PLCB1: variants seen among roughly 807,000 people sequenced by gnomAD.
The protein encoded by PLCB1 is 1-phosphatidylinositol 4,5-bisphosphate phosphodiesterase beta-1.
In PLCB1, 46 loss-of-function variants were observed where a neutral mutation model predicts 161.8. The ratio of observed to expected loss-of-function variants is 0.28; its 90% CI spans 0.22 to 0.36. The LOEUF (loss-of-function observed/expected upper bound fraction) is 0.36. Ranked by LOEUF, PLCB1 falls within the 10% of genes least tolerant of loss-of-function variation. PLCB1 has a pLI of 1.00. For missense variants in PLCB1, 1,016 were observed against 1,472.5 expected (o/e 0.69, Z 5.07); for synonymous variants, 517 against 503.7 (o/e 1.03, Z -0.35).
intron 31 of PLCB1, among the ~76,000 whole-genome samples, chr20:8,835,818 A>G (rs1986256600): frequency 6.6e-6 from 1 of 151,316 alleles, no homozygotes; most frequent in African/African-American, 2.4e-5. Context: ...TGGGTCAGTG[A>G]GCTTTGGCTG....
chr20:8,465,651 T>C (rs1981785612), intron 3 of PLCB1, among the ~76,000 whole-genome samples: 1 of 152,144 alleles, frequency 6.6e-6, no homozygotes, highest in Non-Finnish European at 1.5e-5. Flanking sequence ...GTCTTTAGTT[T>C]GTTTTCATCC....
chr20:8,711,010 T>C (rs1978983733), intron 12 of PLCB1, among the ~76,000 whole-genome samples: 1 of 152,200 alleles, frequency 6.6e-6, no homozygotes, highest in Non-Finnish European at 1.5e-5. Flanking sequence ...ATATTTTACA[T>C]GCCTCAGCTC....
At chr20:8,182,583 CTTT>C (rs113760426) in intron 2 of PLCB1, among the ~76,000 whole-genome samples, 21 of 139,226 alleles carry the variant, frequency 1.5e-4, no homozygotes, top group African/African-American at 1.9e-4. Flanking sequence ...TCTTTTTTTT[CTTT>C]TTTTTTTTTT....
intron 31 of PLCB1, among the ~76,000 whole-genome samples, chr20:8,824,941 G>T (rs1257629716): frequency 6.6e-6 from 1 of 152,086 alleles, no homozygotes. Context: ...TTGAGTTCAT[G>T]GGTCAACACT....
chr20:8,320,627 CA>C (rs1395782237), intron 2 of PLCB1, among the ~76,000 whole-genome samples: 1 of 152,126 alleles, frequency 6.6e-6, no homozygotes. Flanking sequence ...AAAACCAAAC[CA>C]TGACTTGCAT....
In PLCB1 at chr20:8,681,108, A is replaced by ATATATATG. The variant is rs1276114438; in HGVS notation, c.863-3817_863-3816insGTATATAT. Among the ~76,000 whole-genome samples, 7 of 132,540 alleles carry ATATATATG rather than the reference A, an allele frequency of 5.3e-5. 1 individual carries two copies. The highest frequency in any genetic ancestry group is 2.3e-4 in the South Asian group (1 of 4,384). The allele number at this position is 132,540 out of a possible 152,430, so 87.0% of individuals were successfully genotyped here. On this transcript the variant is annotated intron_variant, in intron 9 of 31. Coordinates refer to ENST00000338037, the MANE Select transcript of PLCB1 (RefSeq NM_015192.4). ...TGTGTATATATATATATATATATAT[A>ATATATATG]TATATATATATAATATATATAAAAT... is the stretch of plus-strand genomic sequence containing the variant.
chr20:8,468,463 C>T (rs1421341078), intron 3 of PLCB1, among the ~76,000 whole-genome samples: 1 of 152,102 alleles, frequency 6.6e-6, no homozygotes, highest in Non-Finnish European at 1.5e-5. Context: ...TAAGTTTCCT[C>T]ATCTGTAAAA....
chr20:8,730,350 C>A (rs949165574), intron 18 of PLCB1, among the ~76,000 whole-genome samples: 1 of 151,722 alleles, frequency 6.6e-6, no homozygotes, highest in Non-Finnish European at 1.5e-5. Flanking sequence ...AAACAATCAT[C>A]CCACTGAACT....
At chr20:8,405,346 A>C (rs995056861) in intron 3 of PLCB1, among the ~76,000 whole-genome samples, 12 of 152,148 alleles carry the variant, frequency 7.9e-5, no homozygotes, top group Non-Finnish European at 1.8e-4. Flanking sequence ...CACCCTGGGG[A>C]TATCCTCACA....
At chr20:8,291,548 C>T (rs890414361) in intron 2 of PLCB1, among the ~76,000 whole-genome samples, 6 of 152,128 alleles carry the variant, frequency 3.9e-5, no homozygotes, top group African/African-American at 7.2e-5. Context: ...CTACAGACAA[C>T]GAGGATGATT....
intron 31 of PLCB1, among the ~76,000 whole-genome samples, chr20:8,862,191 C>G (rs1276819276): frequency 6.6e-6 from 1 of 152,180 alleles, no homozygotes; most frequent in African/African-American, 2.4e-5. Context: ...AATATACTCA[C>G]TATGTCATGC....
chr20:8,369,679 G>A lies in PLCB1; in HGVS notation c.178-1703G>A, dbSNP rs1019024397. Among the ~76,000 whole-genome samples, 5 of 152,158 alleles carry A rather than the reference G, an allele frequency of 3.3e-5. No homozygotes were observed. In the South Asian group the frequency reaches 1.0e-3, roughly 32 times the overall value. On this transcript the variant is annotated intron_variant, in intron 2 of 31. Transcript: ENST00000338037. ...GGTTGCCACCTGTCACACCCCAGGG[G>A]TTTGGGAGAATTTCCACAGGGTCAG... is the stretch of plus-strand genomic sequence containing the variant.
rs1446292818 is a variant in PLCB1 at position 8,739,475 on chromosome 20, T to C, written c.2308+115T>C. 29 of 700,202 alleles carry C rather than the reference T, an allele frequency of 4.1e-5. No homozygotes were observed. The Admixed American group carries it at 5.8e-4, about 14-fold the overall frequency. The allele number at this position is 700,202 out of a possible 1,614,324, so 43.4% of individuals were successfully genotyped here. A position where few individuals can be genotyped will look rare whatever the true frequency, so the allele number is the denominator to read the frequency against. Reference sequence around the variant, plus strand: ...TATTTTCTGCTTTGTAATTTTGTTATGTAACAAGGGCGATGAGATTTAGTT... The same window carrying C: ...TATTTTCTGCTTTGTAATTTTGTTACGTAACAAGGGCGATGAGATTTAGTT... On this transcript the variant is annotated intron_variant, in intron 21 of 31. Transcript: ENST00000338037.
chr20:8,144,031 TG>T (rs1301902480), intron 1 of PLCB1, among the ~76,000 whole-genome samples: 1 of 152,184 alleles, frequency 6.6e-6, no homozygotes, highest in African/African-American at 2.4e-5. Flanking sequence ...AAAAGTCCCC[TG>T]GGGTGCAAAA....
intron 31 of PLCB1, among the ~76,000 whole-genome samples, chr20:8,863,108 C>G (rs1403128159): frequency 6.6e-6 from 1 of 152,116 alleles, no homozygotes; most frequent in Non-Finnish European, 1.5e-5. Flanking sequence ...GTTTTTGCAC[C>G]CTGCAAGAGA....
intron 2 of PLCB1, among the ~76,000 whole-genome samples, chr20:8,225,646 CCTGCCAAG>C (rs1979641794): frequency 6.6e-6 from 1 of 152,152 alleles, no homozygotes; most frequent in Non-Finnish European, 1.5e-5. Context: ...TCTTGATTTA[CCTGCCAAG>C]TGGCAGGCAC....
chr20:8,416,593 T>C (rs112887639), intron 3 of PLCB1, among the ~76,000 whole-genome samples: 25 of 152,266 alleles, frequency 1.6e-4, no homozygotes, highest in African/African-American at 4.6e-4. Flanking sequence ...GCATGGTTTA[T>C]GTACAGTCAC....
At chr20:8,279,852 GT>G (rs1982790429) in intron 2 of PLCB1, among the ~76,000 whole-genome samples, 1 of 152,172 alleles carries the variant, frequency 6.6e-6, no homozygotes. Flanking sequence ...TCAGGATGAA[GT>G]AAAAAGAAAA....
chr20:8,864,342 T>A (rs1249880263), intron 31 of PLCB1, among the ~76,000 whole-genome samples: 2 of 152,188 alleles, frequency 1.3e-5, no homozygotes, highest in South Asian at 2.1e-4. Flanking sequence ...TGCATATAAT[T>A]TTCCCATGTA....
Sources: gnomAD v4.1 joint callset for allele counts (sites outside exome capture counted in the v4.1 genomes callset) on GRCh38, gnomAD v4.1.1 for gene constraint, MANE v1.5 for transcripts, NCBI Gene and HGNC (gene_info 2026-07-23, HGNC 2026-07-21) for gene names.